Variants in HELQ observed in about 807,000 individuals in gnomAD.
HELQ encodes the protein helicase, POLQ like, also known as helicase POLQ-like.
A neutral mutation model predicts 111.6 loss-of-function variants in HELQ; 77 were observed. That is an observed-to-expected ratio of 0.69 (90% CI 0.57 to 0.83). HELQ has a LOEUF of 0.83. HELQ is among the 40% of genes least tolerant of loss of function. The probability of loss-of-function intolerance (pLI) is 0.00; values close to 1 mark genes in which losing one functional copy is unlikely to be tolerated. For synonymous variants in HELQ, 438 were observed against 454.7 expected (o/e 0.96, Z 0.47); for missense variants, 1,200 against 1,288.5 (o/e 0.93, Z 1.05).
chr4:83,455,782 G>A lies in HELQ; in HGVS notation c.-89C>T, dbSNP rs1721761900. 4 of 1,291,328 alleles carry A rather than the reference G, an allele frequency of 3.1e-6. No individual in the cohort carries two copies. The highest frequency in any genetic ancestry group is 4.6e-5 in the East Asian group (2 of 43,308). 80.0% of individuals were successfully genotyped at this position (1,291,328 alleles called of 1,614,324 possible). A position where few individuals can be genotyped will look rare whatever the true frequency, so the allele number is the denominator to read the frequency against. ...AAGGGAGAGTGGGACGCCGGAGCCC[G>A]CTTCTACATCCACCTTGGGAAAAGA... is the stretch of plus-strand genomic sequence containing the variant. On this transcript the variant is annotated 5_prime_UTR_variant, in exon 1 of 18. Coordinates refer to ENST00000295488, the MANE Select transcript of HELQ (RefSeq NM_133636.5).
At chr4:83,443,654 A>C (rs758710167) in intron 5 of HELQ, 40 bp from the exon 6 acceptor site, 9 of 893,966 alleles carry the variant, frequency 1.0e-5, no homozygotes, top group Non-Finnish European at 1.4e-5. Context: ...GTTAAGGAAA[A>C]TATGTTATTT....
intron 9 of HELQ, among the ~76,000 whole-genome samples, chr4:83,433,659 C>A (rs1720281462): frequency 7.6e-6 from 1 of 132,424 alleles, no homozygotes; most frequent in Non-Finnish European, 1.6e-5. Flanking sequence ...GAGCGAGACT[C>A]CGTCTCAAAA....
chr4:83,417,782 A>C (rs78497286), intron 16 of HELQ, among the ~76,000 whole-genome samples: 23 of 152,270 alleles, frequency 1.5e-4, no homozygotes, highest in Non-Finnish European at 3.1e-4. Flanking sequence ...GTAATTCTTC[A>C]AAGGAGTGGA....
intron 10 of HELQ, 44 bp downstream of exon 10, chr4:83,432,082 C>A: frequency 1.4e-6 from 2 of 1,406,554 alleles, no homozygotes; most frequent in Non-Finnish European, 9.6e-7. Context: ...GACCAACAAC[C>A]AAGAAAAAGA....
At chr4:83,429,429 G>A (rs183975345) in intron 12 of HELQ, 95 bp downstream of exon 12, 33 of 914,750 alleles carry the variant, frequency 3.6e-5, no homozygotes, top group African/African-American at 2.5e-4. Context: ...GATTACAGGC[G>A]TGAGCCACTG....
chr4:83,411,249 G>A (rs1265998428), intron 17 of HELQ, among the ~76,000 whole-genome samples: 1 of 148,816 alleles, frequency 6.7e-6, no homozygotes, highest in African/African-American at 2.5e-5. Flanking sequence ...TATTATACTA[G>A]ATTGAATAAA....
At chr4:83,454,059 C>T (rs1721572180) in intron 1 of HELQ, 114 bp from the exon 2 acceptor site, 1 of 703,678 alleles carries the variant, frequency 1.4e-6, no homozygotes, top group East Asian at 2.5e-5. Context: ...CAAAAATTAG[C>T]CGGGCATAGT....
intron 9 of HELQ, among the ~76,000 whole-genome samples, chr4:83,436,317 A>C (rs1720457729): frequency 6.6e-6 from 1 of 152,164 alleles, no homozygotes; most frequent in Admixed American, 6.5e-5. Context: ...ATATTTTTTT[A>C]AACACTCATG....
intron 14 of HELQ, among the ~76,000 whole-genome samples, chr4:83,423,429 A>T (rs1719649862): frequency 6.6e-6 from 1 of 152,218 alleles, no homozygotes; most frequent in Non-Finnish European, 1.5e-5. Flanking sequence ...TAAAAGCATT[A>T]AGCTGAAAAA....
chr4:83,450,664 CAAA>C (rs11353264), intron 2 of HELQ, among the ~76,000 whole-genome samples: 2 of 120,076 alleles, frequency 1.7e-5, no homozygotes, highest in African/African-American at 2.8e-5. Context: ...ATCTTCACAT[CAAA>C]AAAAAAAAAA....
Position 83,412,011 on chromosome 4 carries a change from A to G in HELQ, c.3199-4451T>C, listed in dbSNP as rs367593954. 4.6e-5 allele frequency among the ~76,000 whole-genome samples: 7 copies of G among 152,158 alleles called. No individual in the cohort carries two copies. In the East Asian group the frequency reaches 1.2e-3, roughly 25 times the overall value. On this transcript the variant is annotated intron_variant, in intron 17 of 17. Coordinates refer to ENST00000295488, the MANE Select transcript of HELQ (RefSeq NM_133636.5). ...CACATTGAGAAAGCTACCTAGCAGC[A>G]AACATGGGTTTATTGCTTATGGAAA... is the stretch of plus-strand genomic sequence containing the variant.
intron 8 of HELQ, among the ~76,000 whole-genome samples, chr4:83,438,516 G>A (rs941967960): frequency 1.3e-5 from 2 of 152,176 alleles, no homozygotes; most frequent in Middle Eastern, 3.4e-3. Flanking sequence ...TATGGGGGGC[G>A]GATTGCTTGA....
intron 5 of HELQ, among the ~76,000 whole-genome samples, chr4:83,445,017 A>T (rs190478969): frequency 5.9e-4 from 90 of 152,312 alleles, no homozygotes; most frequent in Non-Finnish European, 1.0e-3. Context: ...CTAAAGACTT[A>T]GTGGTAATGA....
At chr4:83,441,242 A>G in intron 7 of HELQ, 63 bp downstream of exon 7, 1 of 884,986 alleles carries the variant, frequency 1.1e-6, no homozygotes, top group South Asian at 1.5e-5. Flanking sequence ...ATCCATTGGA[A>G]ACTCTTGTTG....
At chr4:83,438,514 G>A (rs909113020) in intron 8 of HELQ, among the ~76,000 whole-genome samples, 1 of 152,122 alleles carries the variant, frequency 6.6e-6, no homozygotes, top group Non-Finnish European at 1.5e-5. Context: ...GCTATGGGGG[G>A]CGGATTGCTT....
chr4:83,451,778 G>A (rs1252291480), intron 2 of HELQ, among the ~76,000 whole-genome samples: 1 of 152,226 alleles, frequency 6.6e-6, no homozygotes, highest in Non-Finnish European at 1.5e-5. Flanking sequence ...CAGAAAAACA[G>A]AGGGAAGAAC....
chr4:83,421,754 A>G lies in HELQ; in HGVS notation c.2776-18T>C. ...TCCACCTTCTAGAAAGACACAATCA[A>G]ATAAATTCGTTTACTAGACCTGCTA... On this transcript the variant is annotated intron_variant, in intron 14 of 17. Transcript: ENST00000295488. 2 of 1,604,782 alleles carry G rather than the reference A, an allele frequency of 1.2e-6. No homozygotes were observed. Among genetic ancestry groups the G allele is most frequent in the African/African-American group, 2.7e-5 (2 of 74,612 alleles).
intron 17 of HELQ, among the ~76,000 whole-genome samples, 196 bp downstream of exon 17, chr4:83,416,535 G>A (rs1214132589): frequency 1.3e-5 from 2 of 152,008 alleles, no homozygotes; most frequent in African/African-American, 4.8e-5. Flanking sequence ...TTATTTTTTA[G>A]CAGGTCCTTT....
intron 14 of HELQ, 133 bp from the exon 15 acceptor site, chr4:83,421,869 A>G (rs1719521201): frequency 3.0e-6 from 2 of 661,928 alleles, no homozygotes; most frequent in African/African-American, 1.8e-5. Flanking sequence ...AAACAAAACT[A>G]ATTTCTAACA....
Sources: allele counts gnomAD v4.1 joint callset (sites outside exome capture counted in the v4.1 genomes callset), GRCh38; gene constraint gnomAD v4.1.1; transcripts MANE v1.5; gene names NCBI Gene and HGNC (gene_info 2026-07-23, HGNC 2026-07-21).